PDIA5: variants seen among roughly 807,000 people sequenced by gnomAD.
The protein encoded by PDIA5 is protein disulfide-isomerase A5.
In PDIA5, 58 loss-of-function variants were observed where a neutral mutation model predicts 77.6. The observed-to-expected ratio is 0.75, with a 90% confidence interval of 0.61 to 0.93. The LOEUF is 0.93. Ranked by LOEUF, PDIA5 falls within the 40% of genes least tolerant of loss-of-function variation. PDIA5 has a pLI of 0.00. For synonymous variants in PDIA5, 250 were observed against 252.1 expected (o/e 0.99, Z 0.08); for missense variants, 630 against 647.7 (o/e 0.97, Z 0.30).
chr3:123,085,116 T>C (rs1233322432), intron 1 of PDIA5, among the ~76,000 whole-genome samples: 1 of 152,170 alleles, frequency 6.6e-6, no homozygotes, highest in Non-Finnish European at 1.5e-5. Context: ...AGGGCTGCTG[T>C]GGACTCACCC....
chr3:123,072,738 C>T (rs1232060705), intron 1 of PDIA5, among the ~76,000 whole-genome samples: 1 of 152,200 alleles, frequency 6.6e-6, no homozygotes, highest in Non-Finnish European at 1.5e-5. Context: ...GAGGGTTTTG[C>T]CCCAGCTTTG....
At position 123,146,257 on chromosome 3, in the gene PDIA5, A is replaced by T. The variant is rs376677056; in HGVS notation, c.1140A>T (p.Gln380His). The T allele has an allele frequency of 4.0e-5, 64 of 1,613,610 alleles. No individual in the cohort carries two copies. The highest frequency in any genetic ancestry group is 1.6e-4 in the Middle Eastern group (1 of 6,082). The change falls in exon 13 of 17, where the codon CAA becomes CAT. Residue 380 changes from glutamine to histidine, a missense_variant and splice_region_variant. By Grantham distance (24) the Gln-to-His change is conservative. Coordinates refer to ENST00000316218, the MANE Select transcript of PDIA5 (RefSeq NM_006810.4). ...AGAAGAAGTTTCTCGAGTGGATGCA[A>T]AAGTAAGTGTTACGATCTCAGTAGC... Reference protein sequence around the residue: ...RTKKKFLEWMQNPEAPPPPEP... With the variant: ...RTKKKFLEWMHNPEAPPPPEP...
intron 14 of PDIA5, among the ~76,000 whole-genome samples, chr3:123,152,816 C>T (rs752225801): frequency 1.5e-4 from 23 of 152,184 alleles, no homozygotes; most frequent in East Asian, 5.8e-4. Flanking sequence ...GTTCCTTTTA[C>T]GCTGAATGGT....
chr3:123,139,307 C>T (rs180797389), intron 11 of PDIA5, among the ~76,000 whole-genome samples: 12 of 152,284 alleles, frequency 7.9e-5, no homozygotes, highest in South Asian at 4.1e-4. Context: ...CTCAGGTCAC[C>T]GCCAGCTCTA....
At chr3:123,138,979 A>G (rs73856845) in intron 11 of PDIA5, among the ~76,000 whole-genome samples, 3,187 of 152,246 alleles carry the variant, frequency 0.021, 88 homozygotes, top group African/African-American at 0.066. Context: ...TCATAAGTAT[A>G]ATTGAATTTA....
At chr3:123,158,062 G>C (rs1285248283) in intron 15 of PDIA5, among the ~76,000 whole-genome samples, 1 of 152,236 alleles carries the variant, frequency 6.6e-6, no homozygotes, top group Non-Finnish European at 1.5e-5. Context: ...GCTGGCTACT[G>C]CCTTTTCCAA....
chr3:123,156,583 C>T (rs532236133), intron 15 of PDIA5, among the ~76,000 whole-genome samples: 6 of 152,294 alleles, frequency 3.9e-5, no homozygotes, highest in East Asian at 3.9e-4. Flanking sequence ...TCTGTATTGA[C>T]GTCCATCACG....
chr3:123,100,318 T>C (rs1294125019), intron 3 of PDIA5, among the ~76,000 whole-genome samples: 1 of 152,222 alleles, frequency 6.6e-6, no homozygotes, highest in Non-Finnish European at 1.5e-5. Context: ...TGAACTGTAA[T>C]AGCAGTTGTC....
chr3:123,154,407 T>C (rs1376236180), intron 14 of PDIA5, among the ~76,000 whole-genome samples: 1 of 152,120 alleles, frequency 6.6e-6, no homozygotes, highest in Non-Finnish European at 1.5e-5. Context: ...GATGGAGACC[T>C]GGGGACCAGG....
intron 10 of PDIA5, among the ~76,000 whole-genome samples, chr3:123,128,238 G>A (rs1458583739): frequency 6.6e-6 from 1 of 152,200 alleles, no homozygotes; most frequent in Non-Finnish European, 1.5e-5. Flanking sequence ...TGTCTTCTGT[G>A]TGCGTGTGGT....
At position 123,073,610 on chromosome 3, in the gene PDIA5, G is replaced by C. The variant is rs550431764; in HGVS notation, c.42+6404G>C. ...TAATTAGCTTTGTGATCTTACATTGGGGGGTTGAAGACACTCATGGAGTGT... is the reference window on the plus strand; with the variant it reads ...TAATTAGCTTTGTGATCTTACATTGCGGGGTTGAAGACACTCATGGAGTGT... On this transcript the variant is annotated intron_variant, in intron 1 of 16. Coordinates refer to ENST00000316218, the MANE Select transcript of PDIA5 (RefSeq NM_006810.4). 2.6e-5 allele frequency among the ~76,000 whole-genome samples: 4 copies of C among 152,286 alleles called. 1 individual carries two copies. Among genetic ancestry groups the C allele is most frequent in the South Asian group, 2.1e-4 (1 of 4,824 alleles).
At chr3:123,158,964 G>A (rs1488497845) in intron 15 of PDIA5, among the ~76,000 whole-genome samples, 3 of 152,200 alleles carry the variant, frequency 2.0e-5, no homozygotes, top group Non-Finnish European at 2.9e-5. Context: ...TGTGGAAAAC[G>A]CGCGTGGATT....
chr3:123,114,703 G>T (rs1341042759), intron 7 of PDIA5, among the ~76,000 whole-genome samples: 1 of 152,210 alleles, frequency 6.6e-6, no homozygotes, highest in Non-Finnish European at 1.5e-5. Flanking sequence ...CCTGACAAGT[G>T]TCATATTCCT....
intron 3 of PDIA5, among the ~76,000 whole-genome samples, chr3:123,093,401 G>T (rs534341714): frequency 1.1e-3 from 162 of 152,176 alleles, no homozygotes; most frequent in Non-Finnish European, 1.8e-3. Context: ...AAGTGTGCTT[G>T]CCTTGACCAG....
At chr3:123,082,019 C>A (rs542851209) in intron 1 of PDIA5, among the ~76,000 whole-genome samples, 2 of 152,322 alleles carry the variant, frequency 1.3e-5, no homozygotes, top group African/African-American at 2.4e-5. Flanking sequence ...CACACAGCCT[C>A]TGGCTGGAAA....
chr3:123,120,521 C>T (rs144467989), intron 8 of PDIA5, among the ~76,000 whole-genome samples: 112 of 152,340 alleles, frequency 7.4e-4, no homozygotes, highest in African/African-American at 2.4e-3. Context: ...CCCAAGGTTC[C>T]GCTTTCCTGT....
intron 1 of PDIA5, among the ~76,000 whole-genome samples, chr3:123,080,655 G>A (rs1023248987): frequency 2.0e-5 from 3 of 152,154 alleles, no homozygotes; most frequent in African/African-American, 7.2e-5. Context: ...TAAAGTTAAT[G>A]CATGATTTGG....
intron 5 of PDIA5, among the ~76,000 whole-genome samples, chr3:123,105,810 A>G (rs1934714733): frequency 6.6e-6 from 1 of 152,112 alleles, no homozygotes; most frequent in African/African-American, 2.4e-5. Flanking sequence ...GTCAAAGTTG[A>G]CAGAAGTAAC....
intron 11 of PDIA5, among the ~76,000 whole-genome samples, chr3:123,141,900 G>A (rs899076385): frequency 2.0e-5 from 3 of 152,120 alleles, no homozygotes; most frequent in African/African-American, 7.2e-5. Flanking sequence ...GTGTTCTTCC[G>A]CTTTGCCTCC....
Sources: gnomAD v4.1 joint callset for allele counts (sites outside exome capture counted in the v4.1 genomes callset) on GRCh38, gnomAD v4.1.1 for gene constraint, MANE v1.5 for transcripts, NCBI Gene and HGNC (gene_info 2026-07-23, HGNC 2026-07-21) for gene names.